The following IPO7 variants were observed in gnomAD, a reference collection of about 807,000 sequenced individuals.
IPO7 encodes importin 7.
A neutral mutation model predicts 136.4 loss-of-function variants in IPO7; 13 were observed. The ratio of observed to expected loss-of-function variants is 0.10; its 90% CI spans 0.06 to 0.15. The LOEUF is 0.15. Ranked by LOEUF, IPO7 falls within the 10% of genes least tolerant of loss-of-function variation. The probability of loss-of-function intolerance (pLI) is 1.00; values close to 1 mark genes in which losing one functional copy is unlikely to be tolerated. For synonymous variants in IPO7, 403 were observed against 404.4 expected (o/e 1.00, Z 0.04); for missense variants, 857 against 1,240.6 (o/e 0.69, Z 4.65).
In IPO7 at chr11:9,429,696, C is replaced by T. The variant is rs1855265610; in HGVS notation, c.1614C>T (p.Phe538=). 6.2e-7 allele frequency: 1 copy of T among 1,608,618 alleles called. No homozygotes were observed. The highest frequency in any genetic ancestry group is 1.1e-5 in the South Asian group (1 of 90,150). ...CAGCTAAAGAATATATCACACCATT[C>T]ATCAGACCTGTAATGCAGGCTCTTC... ...QEKAKEYITP[F]IRPVMQALLH... Residue 538 remains phenylalanine (F), a synonymous_variant, in exon 15 of 25, where the codon TTC becomes TTT. Coordinates refer to ENST00000379719, the MANE Select transcript of IPO7 (RefSeq NM_006391.3).
At chr11:9,431,865 C>G (rs1013739058) in intron 16 of IPO7, among the ~76,000 whole-genome samples, 1 of 152,050 alleles carries the variant, frequency 6.6e-6, no homozygotes, top group Admixed American at 6.6e-5. Context: ...ATCCCAGCTA[C>G]TTGGGAGGCT....
intron 8 of IPO7, among the ~76,000 whole-genome samples, chr11:9,421,507 A>C (rs865927387): frequency 6.7e-6 from 1 of 150,372 alleles, no homozygotes. Flanking sequence ...GCGTGCCTGT[A>C]ATCCCAGCTA....
chr11:9,422,915 A>C, intron 8 of IPO7, 91 bp from the exon 9 acceptor site: 1 of 671,428 alleles, frequency 1.5e-6, no homozygotes, highest in Non-Finnish European at 2.4e-6. Context: ...TGAGCTTGTC[A>C]TTAAAATATG....
At position 9,437,810 on chromosome 11, in the gene IPO7, A is replaced by G. The variant is rs141539157; in HGVS notation, c.2325A>G (p.Thr775=). Residue 775 remains threonine (T), a synonymous_variant, in exon 21 of 25, where the codon ACA becomes ACG. Transcript: ENST00000379719. ...AAAGACTGACAAGAGAGGTTAAGAC[A>G]AGTGAACTTCGAACTATGTGTCTGC... ...ALERLTREVK[T]SELRTMCLQV... is the part of the protein sequence containing the mutation. The G allele has an allele frequency of 2.5e-6, 4 of 1,614,164 alleles. No homozygotes were observed. Among genetic ancestry groups the G allele is most frequent in the Non-Finnish European group, 3.4e-6 (4 of 1,180,004 alleles).
intron 10 of IPO7, 138 bp downstream of exon 10, chr11:9,424,014 G>T (rs1169254421): frequency 6.0e-6 from 3 of 504,200 alleles, no homozygotes; most frequent in South Asian, 6.5e-5. Context: ...GTCCTTTTTG[G>T]GGCTATTTAT....
intron 1 of IPO7, among the ~76,000 whole-genome samples, chr11:9,386,337 A>T (rs915847488): frequency 6.6e-6 from 1 of 152,214 alleles, no homozygotes; most frequent in Non-Finnish European, 1.5e-5. Flanking sequence ...TAGTGAGTTG[A>T]ACCGTATTAC....
rs945567207 is a variant in IPO7 at position 9,446,692 on chromosome 11, A to G, written c.*1498A>G. The G allele has an allele frequency of 9.9e-5, 15 of 152,224 alleles. No individual in the cohort carries two copies. The highest frequency in any genetic ancestry group is 3.4e-4 in the African/African-American group (14 of 41,458). 9.4% of individuals were successfully genotyped at this position (152,224 alleles called of 1,614,324 possible). On this transcript the variant is annotated 3_prime_UTR_variant, in exon 25 of 25. Transcript: ENST00000379719. ...TGTTGTCTAAAACAGGTGAGAAAAA[A>G]ATTTATAACTGTAAAAACAAATGCA...
At chr11:9,393,804 G>A (rs1854671432) in intron 1 of IPO7, among the ~76,000 whole-genome samples, 1 of 152,106 alleles carries the variant, frequency 6.6e-6, no homozygotes, top group Non-Finnish European at 1.5e-5. Context: ...AAATGAGAGA[G>A]GTTAAACAAA....
intron 11 of IPO7, 46 bp downstream of exon 11, chr11:9,425,036 T>C: frequency 7.3e-7 from 1 of 1,367,086 alleles, no homozygotes; most frequent in Non-Finnish European, 1.0e-6. Flanking sequence ...TTATTTAAAA[T>C]TTATTCAACT....
In IPO7 at chr11:9,429,099, A is replaced by G. The variant is rs1360558824; in HGVS notation, c.1494A>G (p.Leu498=). The G allele has an allele frequency of 6.2e-7, 1 of 1,613,666 alleles. No individual in the cohort carries two copies. Among genetic ancestry groups the G allele is most frequent in the Non-Finnish European group, 8.5e-7 (1 of 1,179,618 alleles). The part of the protein sequence containing the change: ...FKSDQNLQTA[L]ELTRRCLIDD... ...GTGATCAGAACCTTCAAACAGCCTTAGAGCTAACAAGAAGATGTCTGATTG... is the reference window on the plus strand; with the variant it reads ...GTGATCAGAACCTTCAAACAGCCTTGGAGCTAACAAGAAGATGTCTGATTG... The change falls in exon 14 of 25, where the codon TTA becomes TTG. Residue 498 remains leucine (L), a synonymous_variant. Transcript: ENST00000379719.
At chr11:9,406,270 T>C (rs566594069) in intron 2 of IPO7, among the ~76,000 whole-genome samples, 155 of 152,124 alleles carry the variant, frequency 1.0e-3, no homozygotes, top group Non-Finnish European at 1.9e-3. Flanking sequence ...TCCAAAGTGC[T>C]GGGATCAAAG....
At chr11:9,421,435 C>A (rs1272905096) in intron 8 of IPO7, among the ~76,000 whole-genome samples, 2 of 149,560 alleles carry the variant, frequency 1.3e-5, no homozygotes, top group East Asian at 4.0e-4. Context: ...CGAGACCAGC[C>A]TGGCCAACAT....
chr11:9,420,181 G>A, intron 6 of IPO7: 1 of 452,644 alleles, frequency 2.2e-6, no homozygotes, highest in Non-Finnish European at 3.9e-6. Flanking sequence ...GCTGGGCGTT[G>A]TGGCGGCCAC....
intron 24 of IPO7, among the ~76,000 whole-genome samples, 165 bp from the exon 25 acceptor site, chr11:9,444,932 A>G (rs1379771775): frequency 6.6e-6 from 1 of 152,054 alleles, no homozygotes; most frequent in Non-Finnish European, 1.5e-5. Flanking sequence ...TATATTCTCT[A>G]CATAATGCAT....
chr11:9,393,990 A>C (rs186837991), intron 1 of IPO7, among the ~76,000 whole-genome samples: 101 of 151,614 alleles, frequency 6.7e-4, no homozygotes, highest in African/African-American at 2.4e-3. Flanking sequence ...TCAAGTGATT[A>C]TCCTGCCTCA....
intron 1 of IPO7, among the ~76,000 whole-genome samples, chr11:9,401,042 G>T (rs915069382): frequency 6.6e-6 from 1 of 151,946 alleles, no homozygotes; most frequent in African/African-American, 2.4e-5. Flanking sequence ...TTAGCTGGGC[G>T]TGGTGGCATG....
intron 6 of IPO7, among the ~76,000 whole-genome samples, chr11:9,418,112 C>T (rs532974353): frequency 6.6e-6 from 1 of 151,622 alleles, no homozygotes; most frequent in Admixed American, 6.6e-5. Context: ...ACTCTGTCGC[C>T]CAGGCTGGAG....
chr11:9,396,458 T>C (rs993042938), intron 1 of IPO7, among the ~76,000 whole-genome samples: 1 of 152,230 alleles, frequency 6.6e-6, no homozygotes, highest in Non-Finnish European at 1.5e-5. Flanking sequence ...TATTCACACA[T>C]TTAAAGTATG....
Position 9,436,842 on chromosome 11 carries a change from TTATA to T in IPO7, c.2268+500_2268+503del, listed in dbSNP as rs1370673296. 3.4e-3 allele frequency among the ~76,000 whole-genome samples: 83 copies of T among 24,460 alleles called. 1 individual carries two copies. Among genetic ancestry groups the T allele is most frequent in the African/African-American group, 9.5e-3 (51 of 5,342 alleles). 16.0% of individuals were successfully genotyped at this position (24,460 alleles called of 152,430 possible). A position where few individuals can be genotyped will look rare whatever the true frequency, so the allele number is the denominator to read the frequency against. On this transcript the variant is annotated intron_variant, in intron 20 of 24. Coordinates refer to ENST00000379719, the MANE Select transcript of IPO7 (RefSeq NM_006391.3). ...TATACACCACCACAACCGCCTGATTTTATATATATATATATATATATATATATTT... is the reference window on the plus strand; with the variant it reads ...TATACACCACCACAACCGCCTGATTTTATATATATATATATATATATATTT...
Sources: allele counts gnomAD v4.1 joint callset (sites outside exome capture counted in the v4.1 genomes callset), GRCh38; gene constraint gnomAD v4.1.1; transcripts MANE v1.5; gene names NCBI Gene and HGNC (gene_info 2026-07-23, HGNC 2026-07-21).